The following LRRTM3 variants were observed in gnomAD, a reference collection of about 807,000 sequenced individuals.
LRRTM3 encodes the protein leucine rich repeat transmembrane neuronal 3, also known as leucine-rich repeat transmembrane neuronal protein 3.
In LRRTM3, 24 loss-of-function variants were observed where a neutral mutation model predicts 44.7. The observed-to-expected ratio is 0.54, with a 90% confidence interval of 0.39 to 0.76. The LOEUF (loss-of-function observed/expected upper bound fraction) is 0.76, where lower values mean the gene tolerates loss of function less well. Among genes scored for constraint, LRRTM3 ranks in the 30% least tolerant of loss-of-function variants. The pLI, the probability that LRRTM3 is intolerant of heterozygous loss-of-function variation, is 0.00. For missense variants in LRRTM3, 587 were observed against 702.2 expected (o/e 0.84, Z 1.85); for synonymous variants, 277 against 278.7 (o/e 0.99, Z 0.06).
chr10:67,082,602 T>C (rs1857107353), intron 2 of LRRTM3, among the ~76,000 whole-genome samples: 1 of 152,156 alleles, frequency 6.6e-6, no homozygotes, highest in Admixed American at 6.5e-5. Flanking sequence ...ACTAAGGTCT[T>C]TGAATAACTC....
chr10:66,962,111 G>A (rs1220479605), intron 2 of LRRTM3, among the ~76,000 whole-genome samples: 2 of 152,190 alleles, frequency 1.3e-5, no homozygotes, highest in South Asian at 2.1e-4. Context: ...GTGGGCTAGA[G>A]TGATCATTTA....
chr10:67,074,341 TC>T (rs1183344441), intron 2 of LRRTM3, among the ~76,000 whole-genome samples: 3 of 124,594 alleles, frequency 2.4e-5, no homozygotes, highest in African/African-American at 9.7e-5. Context: ...CCACTTTAAC[TC>T]TTTTTTTTTT....
chr10:66,964,251 T>A (rs1445597657), intron 2 of LRRTM3, among the ~76,000 whole-genome samples: 8 of 151,982 alleles, frequency 5.3e-5, no homozygotes, highest in African/African-American at 1.5e-4. Context: ...ATTTAAAGTA[T>A]GAGGATTCTA....
chr10:67,028,362 G>A (rs568993373), intron 2 of LRRTM3, among the ~76,000 whole-genome samples: 2 of 152,052 alleles, frequency 1.3e-5, no homozygotes, highest in South Asian at 4.2e-4. Flanking sequence ...GATTTGGAGA[G>A]TACCTATCAT....
intron 2 of LRRTM3, among the ~76,000 whole-genome samples, chr10:66,948,264 C>T (rs1361067173): frequency 6.6e-6 from 1 of 152,104 alleles, no homozygotes. Context: ...GTTGAGGCAT[C>T]GTATAACATA....
At chr10:67,035,797 T>TA (rs5785812) in intron 2 of LRRTM3, among the ~76,000 whole-genome samples, 9 of 151,806 alleles carry the variant, frequency 5.9e-5, no homozygotes, top group African/African-American at 2.2e-4. Context: ...ACATTTGCTT[T>TA]AAAAAAAAAT....
intron 2 of LRRTM3, among the ~76,000 whole-genome samples, chr10:67,034,708 C>T (rs573495018): frequency 6.6e-6 from 1 of 152,326 alleles, no homozygotes; most frequent in South Asian, 2.1e-4. Context: ...CACCCTCCTA[C>T]TCAGATGCAA....
intron 2 of LRRTM3, among the ~76,000 whole-genome samples, chr10:67,084,351 T>A (rs1439327797): frequency 6.6e-6 from 1 of 152,080 alleles, no homozygotes; most frequent in Admixed American, 6.6e-5. Context: ...CAACAGTCAC[T>A]AACCATGACC....
At chr10:66,985,215 T>C (rs1315850070) in intron 2 of LRRTM3, among the ~76,000 whole-genome samples, 2 of 152,180 alleles carry the variant, frequency 1.3e-5, no homozygotes, top group African/African-American at 2.4e-5. Flanking sequence ...ACTCATATAG[T>C]TTATTTAGTA....
intron 2 of LRRTM3, among the ~76,000 whole-genome samples, chr10:67,056,430 C>T (rs1441856585): frequency 6.6e-6 from 1 of 152,100 alleles, no homozygotes; most frequent in African/African-American, 2.4e-5. Context: ...ATTTTATGTT[C>T]ACAATTTTGC....
At chr10:66,962,225 C>A (rs1849148948) in intron 2 of LRRTM3, among the ~76,000 whole-genome samples, 1 of 152,110 alleles carries the variant, frequency 6.6e-6, no homozygotes, top group Non-Finnish European at 1.5e-5. Flanking sequence ...CAAGGCCTAA[C>A]AGAATTTCAT....
At chr10:66,990,673 C>T (rs1850992857) in intron 2 of LRRTM3, among the ~76,000 whole-genome samples, 1 of 152,116 alleles carries the variant, frequency 6.6e-6, no homozygotes, top group South Asian at 2.1e-4. Flanking sequence ...TTTCTCTACA[C>T]CATGTGGATA....
chr10:67,016,936 G>A (rs182465991), intron 2 of LRRTM3, among the ~76,000 whole-genome samples: 13 of 152,014 alleles, frequency 8.6e-5, no homozygotes, highest in South Asian at 4.1e-4. Context: ...AAAATGTCTG[G>A]TTCAAAATAG....
At chr10:66,929,490 C>A (rs1847251516) in intron 2 of LRRTM3, among the ~76,000 whole-genome samples, 1 of 152,188 alleles carries the variant, frequency 6.6e-6, no homozygotes, top group Admixed American at 6.5e-5. Flanking sequence ...ACACACCAGT[C>A]CCCTAATGAC....
At position 67,025,388 on chromosome 10, in the gene LRRTM3, C is replaced by A. The variant is rs115035993; in HGVS notation, c.1537-72199C>A. 5.8e-3 allele frequency among the ~76,000 whole-genome samples: 874 copies of A among 151,690 alleles called. 9 individuals carry two copies. Among genetic ancestry groups the A allele is most frequent in the African/African-American group, 0.02 (831 of 41,444 alleles). On this transcript the variant is annotated intron_variant, in intron 2 of 2. Coordinates refer to ENST00000361320, the MANE Select transcript of LRRTM3 (RefSeq NM_178011.5). ...CATGGTTTTGTAAAGGCCACATATC[C>A]AACTTTTTACCTCCCCTATATAATT...
chr10:67,046,380 C>T (rs1232313898), intron 2 of LRRTM3, among the ~76,000 whole-genome samples: 1 of 152,134 alleles, frequency 6.6e-6, no homozygotes, highest in Non-Finnish European at 1.5e-5. Context: ...TTTGATCACT[C>T]AGTTATCTCT....
intron 2 of LRRTM3, among the ~76,000 whole-genome samples, chr10:66,945,035 T>C (rs1310335239): frequency 6.6e-6 from 1 of 152,098 alleles, no homozygotes; most frequent in Non-Finnish European, 1.5e-5. Context: ...GGCCCCAGGA[T>C]TTTCAGAATG....
chr10:66,999,073 G>A (rs1212876253), intron 2 of LRRTM3, among the ~76,000 whole-genome samples: 1 of 152,070 alleles, frequency 6.6e-6, no homozygotes, highest in Non-Finnish European at 1.5e-5. Context: ...CAGGGCAAAA[G>A]TTAATAAAAT....
intron 2 of LRRTM3, among the ~76,000 whole-genome samples, chr10:67,058,306 A>C (rs1855560448): frequency 6.6e-6 from 1 of 152,182 alleles, no homozygotes; most frequent in South Asian, 2.1e-4. Flanking sequence ...CTTACTAGAG[A>C]ACTTTGTTCT....
Sources: gnomAD v4.1 joint callset for allele counts (sites outside exome capture counted in the v4.1 genomes callset) on GRCh38, gnomAD v4.1.1 for gene constraint, MANE v1.5 for transcripts, NCBI Gene and HGNC (gene_info 2026-07-23, HGNC 2026-07-21) for gene names.